The following SLC39A11 variants were observed in gnomAD, a reference collection of about 807,000 sequenced individuals.
The protein encoded by SLC39A11 is solute carrier family 39 member 11.
SLC39A11 carries 33 observed loss-of-function variants against 36.1 expected under a neutral mutation model. The ratio of observed to expected loss-of-function variants is 0.91; its 90% CI spans 0.69 to 1.22. SLC39A11 has a LOEUF of 1.22. Ranked by LOEUF, SLC39A11 falls within the 50% of genes most tolerant of loss-of-function variation. The pLI is 0.00. For synonymous variants in SLC39A11, 166 were observed against 170.3 expected (o/e 0.97, Z 0.20); for missense variants, 432 against 430.3 (o/e 1.00, Z -0.03).
intron 2 of SLC39A11, among the ~76,000 whole-genome samples, chr17:73,085,288 C>A (rs2060687596): frequency 1.3e-5 from 2 of 151,914 alleles, no homozygotes; most frequent in South Asian, 4.1e-4. Context: ...GGGCAGATCA[C>A]CTGAGGTCAG....
chr17:72,710,258 C>A (rs570176876), intron 7 of SLC39A11, among the ~76,000 whole-genome samples: 1 of 152,298 alleles, frequency 6.6e-6, no homozygotes, highest in Admixed American at 6.5e-5. Flanking sequence ...TTAAATCCAC[C>A]CACCTTTGTT....
At chr17:72,695,084 A>G (rs987952192) in intron 7 of SLC39A11, among the ~76,000 whole-genome samples, 2 of 152,164 alleles carry the variant, frequency 1.3e-5, no homozygotes. Flanking sequence ...AATCAAGGGA[A>G]TGGGGTACAC....
At chr17:72,847,042 T>C (rs2079082708) in intron 6 of SLC39A11, among the ~76,000 whole-genome samples, 1 of 152,104 alleles carries the variant, frequency 6.6e-6, no homozygotes, top group African/African-American at 2.4e-5. Context: ...ACTTTGGCCA[T>C]CTTTGTGCAG....
chr17:72,835,137 A>G (rs1422483436), intron 6 of SLC39A11, among the ~76,000 whole-genome samples: 2 of 152,252 alleles, frequency 1.3e-5, no homozygotes, highest in Non-Finnish European at 2.9e-5. Flanking sequence ...TGATATGTTG[A>G]GCAAAATGTC....
chr17:72,710,568 G>A (rs545590058), intron 7 of SLC39A11, among the ~76,000 whole-genome samples: 1 of 152,344 alleles, frequency 6.6e-6, no homozygotes, highest in South Asian at 2.1e-4. Context: ...ACCAGACACA[G>A]AATCTTCTGG....
Position 72,947,880 on chromosome 17 carries a change from A to C in SLC39A11, c.307-5T>G, listed in dbSNP as rs1325945551. ...CTGGGGGTCTTCTGCTGCACCCTGA[A>C]ACAAGAAGCGGTAACATCACTAGAG... On this transcript the variant is annotated splice_polypyrimidine_tract_variant and splice_region_variant and intron_variant, in intron 4 of 9. Coordinates refer to ENST00000255559, the MANE Select transcript of SLC39A11 (RefSeq NM_139177.4). The C allele has an allele frequency of 1.7e-5, 27 of 1,613,288 alleles. No homozygotes were observed. Among genetic ancestry groups the C allele is most frequent in the Non-Finnish European group, 2.0e-5 (24 of 1,180,030 alleles).
chr17:72,979,055 G>A (rs956641302), intron 4 of SLC39A11, among the ~76,000 whole-genome samples: 2 of 152,102 alleles, frequency 1.3e-5, no homozygotes, highest in East Asian at 1.9e-4. Context: ...TAATCACCAC[G>A]TGTCAAGGGA....
At chr17:72,879,035 G>C (rs2081058709) in intron 5 of SLC39A11, among the ~76,000 whole-genome samples, 1 of 152,220 alleles carries the variant, frequency 6.6e-6, no homozygotes, top group Non-Finnish European at 1.5e-5. Flanking sequence ...GTATTTTAAA[G>C]GATACAGATG....
intron 6 of SLC39A11, among the ~76,000 whole-genome samples, chr17:72,754,442 A>G (rs1369373382): frequency 6.6e-6 from 1 of 152,102 alleles, no homozygotes; most frequent in East Asian, 1.9e-4. Context: ...AAACCTATGG[A>G]ATTTTTTTAA....
rs1367093587 is a variant in SLC39A11 at position 72,671,635 on chromosome 17, C to T, written c.672-22367G>A. On this transcript the variant is annotated intron_variant, in intron 7 of 9. Coordinates refer to ENST00000255559, the MANE Select transcript of SLC39A11 (RefSeq NM_139177.4). ...ACTCAGGAGGCTGAGGCAGGAGAAT[C>T]GTTTGAACCCAGGAGGTGGCGGTTG... Among the ~76,000 whole-genome samples the T allele has an allele frequency of 4.6e-5, 7 of 152,038 alleles. No individual in the cohort carries two copies. In the East Asian group the frequency reaches 1.3e-3, roughly 29 times the overall value.
At chr17:73,003,761 T>C (rs1401347867) in intron 4 of SLC39A11, among the ~76,000 whole-genome samples, 1 of 152,054 alleles carries the variant, frequency 6.6e-6, no homozygotes, top group African/African-American at 2.4e-5. Context: ...TCACTATAGA[T>C]TTCACAACTC....
intron 6 of SLC39A11, among the ~76,000 whole-genome samples, chr17:72,753,036 T>G (rs2075214009): frequency 6.6e-6 from 1 of 151,874 alleles, no homozygotes; most frequent in African/African-American, 2.4e-5. Flanking sequence ...ATTTTTAGTT[T>G]TTGTAGAGAC....
intron 6 of SLC39A11, among the ~76,000 whole-genome samples, chr17:72,780,479 C>T (rs1031739382): frequency 5.1e-5 from 7 of 138,092 alleles, no homozygotes; most frequent in East Asian, 4.2e-4. Flanking sequence ...ATTAATTCCA[C>T]GTCTACTACG....
At chr17:72,973,430 C>T (rs953292328) in intron 4 of SLC39A11, among the ~76,000 whole-genome samples, 5 of 152,126 alleles carry the variant, frequency 3.3e-5, no homozygotes, top group Non-Finnish European at 7.4e-5. Flanking sequence ...GACAACCTCC[C>T]TGATGACTTT....
At chr17:72,688,531 G>A (rs1449883748) in intron 7 of SLC39A11, among the ~76,000 whole-genome samples, 1 of 152,212 alleles carries the variant, frequency 6.6e-6, no homozygotes, top group Non-Finnish European at 1.5e-5. Flanking sequence ...TCAGGAAGTG[G>A]AGGATGCAGT....
intron 5 of SLC39A11, among the ~76,000 whole-genome samples, chr17:72,918,176 A>G (rs1292977425): frequency 6.6e-6 from 1 of 152,154 alleles, no homozygotes; most frequent in Non-Finnish European, 1.5e-5. Flanking sequence ...TGGGAGGCCG[A>G]GGCGGGTGGA....
intron 5 of SLC39A11, among the ~76,000 whole-genome samples, chr17:72,890,552 G>T (rs1319213921): frequency 6.6e-6 from 1 of 152,172 alleles, no homozygotes; most frequent in African/African-American, 2.4e-5. Flanking sequence ...AAGTAATAAA[G>T]GAGACAGAGA....
At chr17:72,952,382 A>G (rs924542337) in intron 4 of SLC39A11, among the ~76,000 whole-genome samples, 47 of 152,186 alleles carry the variant, frequency 3.1e-4, no homozygotes, top group African/African-American at 1.1e-3. Context: ...TAGCTTTATC[A>G]TAGCGTCCCT....
intron 4 of SLC39A11, among the ~76,000 whole-genome samples, chr17:72,965,395 G>A (rs2086892583): frequency 1.3e-5 from 2 of 152,142 alleles, no homozygotes; most frequent in Non-Finnish European, 2.9e-5. Context: ...CTTTACAACG[G>A]TGCAAAAGTG....
Sources: gnomAD v4.1 joint callset for allele counts (sites outside exome capture counted in the v4.1 genomes callset) on GRCh38, gnomAD v4.1.1 for gene constraint, MANE v1.5 for transcripts, NCBI Gene and HGNC (gene_info 2026-07-23, HGNC 2026-07-21) for gene names.